RELN: variants seen among roughly 807,000 people sequenced by gnomAD.
RELN encodes the protein reelin.
RELN carries 108 observed loss-of-function variants against 427.6 expected under a neutral mutation model. The observed-to-expected ratio is 0.25, with a 90% confidence interval of 0.22 to 0.30. The LOEUF is 0.30. Ranked by LOEUF, RELN falls within the 10% of genes least tolerant of loss-of-function variation. The pLI, the probability that RELN is intolerant of heterozygous loss-of-function variation, is 1.00. For synonymous variants in RELN, 1,524 were observed against 1,513.4 expected (o/e 1.01, Z -0.16); for missense variants, 3,715 against 4,302.8 (o/e 0.86, Z 3.82).
rs1318305907 is a variant in RELN at position 103,989,561 on chromosome 7, G to C, written c.-205C>G. 1 of 435,720 alleles carries C rather than the reference G, an allele frequency of 2.3e-6. No individual in the cohort carries two copies. Among genetic ancestry groups the C allele is most frequent in the South Asian group, 7.5e-5 (1 of 13,372 alleles). 27.0% of individuals were successfully genotyped at this position (435,720 alleles called of 1,614,324 possible). ...GGCTCCCAAAGTTACTTTGGGCCGC[G>C]GGAGCGCGGGACCGGGGCTGCGGGC... On this transcript the variant is annotated 5_prime_UTR_variant, in exon 1 of 65. Transcript: ENST00000428762. This position sits in a 1 kb window ranked among gnomAD's most constrained non-coding sequence, Gnocchi z 4.9.
chr7:103,674,909 G>T (rs950747003), intron 11 of RELN, among the ~76,000 whole-genome samples: 1 of 152,100 alleles, frequency 6.6e-6, no homozygotes, highest in African/African-American at 2.4e-5. Context: ...ATCTATTTAT[G>T]ACAAACCCAC....
intron 2 of RELN, among the ~76,000 whole-genome samples, chr7:103,907,442 A>AAAAAAAAAAAC (rs1795238320): frequency 6.9e-6 from 1 of 145,980 alleles, no homozygotes; most frequent in Non-Finnish European, 1.5e-5. Flanking sequence ...AAAAAAAAAA[A>AAAAAAAAAAAC]AGCCAGGCAC....
intron 13 of RELN, 52 bp from the exon 14 acceptor site, chr7:103,652,811 A>C (rs1422426135): frequency 6.5e-7 from 1 of 1,541,652 alleles, no homozygotes; most frequent in Non-Finnish European, 9.0e-7. Context: ...AGGCTAGTCC[A>C]TGTAAATTCT....
chr7:103,545,423 C>A (rs1830271634), intron 41 of RELN, 79 bp from the exon 42 acceptor site: 3 of 961,970 alleles, frequency 3.1e-6, no homozygotes, highest in South Asian at 2.7e-5. Context: ...GATCAATGAA[C>A]AATGGGCAGC....
chr7:103,853,673 T>A (rs1164167713), intron 2 of RELN, among the ~76,000 whole-genome samples: 1 of 151,962 alleles, frequency 6.6e-6, no homozygotes, highest in African/African-American at 2.4e-5. Context: ...CCTCTACCTA[T>A]AGTTGGGAAT....
chr7:103,987,590 TGA>T (rs1236444663), intron 1 of RELN, among the ~76,000 whole-genome samples: 2 of 152,194 alleles, frequency 1.3e-5, no homozygotes, highest in Non-Finnish European at 2.9e-5. Context: ...CCGTTCTCAC[TGA>T]GAGATCATAC....
At chr7:103,794,965 T>C (rs1792264076) in intron 3 of RELN, among the ~76,000 whole-genome samples, 1 of 152,240 alleles carries the variant, frequency 6.6e-6, no homozygotes, top group African/African-American at 2.4e-5. Flanking sequence ...CCATACTGAA[T>C]ACATATGCAT....
chr7:103,754,526 A>G (rs143831285), intron 4 of RELN, among the ~76,000 whole-genome samples: 2 of 152,234 alleles, frequency 1.3e-5, no homozygotes, highest in African/African-American at 4.8e-5. Context: ...TAATCCCAGC[A>G]CTTTGGGAGA....
At chr7:103,548,695 T>A (rs1830351360) in intron 41 of RELN, among the ~76,000 whole-genome samples, 1 of 152,262 alleles carries the variant, frequency 6.6e-6, no homozygotes, top group African/African-American at 2.4e-5. Context: ...TATTGTGTTT[T>A]GTAAGTGGCT....
intron 3 of RELN, among the ~76,000 whole-genome samples, chr7:103,807,110 G>A (rs1792619398): frequency 1.3e-5 from 2 of 152,204 alleles, no homozygotes; most frequent in African/African-American, 4.8e-5. Context: ...AATGGCAACT[G>A]AGAGTTTGCC....
At chr7:103,641,070 T>C (rs1438400449) in intron 16 of RELN, among the ~76,000 whole-genome samples, 1 of 152,188 alleles carries the variant, frequency 6.6e-6, no homozygotes, top group African/African-American at 2.4e-5. Context: ...TATTAATCTA[T>C]CCTTCCTGGA....
chr7:103,925,427 TTATTA>T (rs1200373838), intron 1 of RELN, among the ~76,000 whole-genome samples: 1 of 152,162 alleles, frequency 6.6e-6, no homozygotes, highest in Non-Finnish European at 1.5e-5. Flanking sequence ...AAATGACACT[TTATTA>T]TAATTCAGAG....
At chr7:103,662,403 C>T (rs1358699767) in intron 11 of RELN, among the ~76,000 whole-genome samples, 2 of 151,976 alleles carry the variant, frequency 1.3e-5, no homozygotes, top group African/African-American at 2.4e-5. Context: ...GGGCGGATCA[C>T]GAGGTCAGGA....
chr7:103,514,363 A>AATGAG (rs140523196), intron 50 of RELN, among the ~76,000 whole-genome samples: 5,695 of 152,212 alleles, frequency 0.037, 370 homozygotes, highest in African/African-American at 0.13. Flanking sequence ...AGACATTAAA[A>AATGAG]ATGAGAGGAG....
At chr7:103,852,668 T>TG in intron 2 of RELN, among the ~76,000 whole-genome samples, 1 of 141,410 alleles carries the variant, frequency 7.1e-6, no homozygotes, top group Admixed American at 6.9e-5. Flanking sequence ...AACTCACCTT[T>TG]GTTTTTGTTG....
rs757003273 is a variant in RELN, at chr7:103,575,555, T to C, written c.4296A>G (p.Gly1432=). 8.1e-6 allele frequency: 13 copies of C among 1,614,058 alleles called. No individual in the cohort carries two copies. In the East Asian group the frequency reaches 2.9e-4, roughly 36 times the overall value. Residue 1432 remains glycine (G), a synonymous_variant, in exon 29 of 65, where the codon GGA becomes GGG. Transcript: ENST00000428762. ...ACATGTATTTAGCCTTACCAGTATA[T>C]CCCAGGTCACAGAAACACACTCCTG... ...CISGVCFCDL[G]YTAAQGTCVS... is the part of the protein sequence containing the mutation.
chr7:103,838,406 C>T (rs1465686581), intron 2 of RELN, among the ~76,000 whole-genome samples: 1 of 151,868 alleles, frequency 6.6e-6, no homozygotes, highest in African/African-American at 2.4e-5. Context: ...TATAGAAAAA[C>T]AAATCTATGT....
chr7:103,920,008 A>G (rs1167160832), intron 1 of RELN, among the ~76,000 whole-genome samples: 1 of 152,214 alleles, frequency 6.6e-6, no homozygotes, highest in Non-Finnish European at 1.5e-5. Flanking sequence ...ACTGCTGTCT[A>G]CTATTTAAAA....
intron 38 of RELN, among the ~76,000 whole-genome samples, chr7:103,554,238 GA>G (rs35750470): frequency 3.5e-4 from 52 of 146,790 alleles, no homozygotes; most frequent in East Asian, 1.2e-3. Context: ...CTTTCTGGGG[GA>G]AAAAAAAAAC....
Sources: allele counts gnomAD v4.1 joint callset (sites outside exome capture counted in the v4.1 genomes callset), GRCh38; gene constraint gnomAD v4.1.1; non-coding constraint Gnocchi (gnomAD v3.1); transcripts MANE v1.5; gene names NCBI Gene and HGNC (gene_info 2026-07-23, HGNC 2026-07-21).